The following LRCH3 variants were observed in gnomAD, a reference collection of about 807,000 sequenced individuals.
LRCH3 encodes the protein leucine rich repeats and calponin homology domain containing 3, also known as DISP complex protein LRCH3.
In LRCH3, 68 loss-of-function variants were observed where a neutral mutation model predicts 104.5. The observed-to-expected ratio is 0.65, with a 90% CI of 0.54 to 0.80. The LOEUF is 0.80. Ranked by LOEUF, LRCH3 falls within the 30% of genes least tolerant of loss-of-function variation. LRCH3 has a pLI of 0.00. For missense variants in LRCH3, 951 were observed against 953.9 expected, an observed-to-expected ratio of 1.00 and a Z score of 0.04; for synonymous variants, 344 against 361.3, an observed-to-expected ratio of 0.95 and a Z score of 0.54.
chr3:197,861,417 A>G (rs1740867996), intron 15 of LRCH3, among the ~76,000 whole-genome samples: 3 of 152,192 alleles, frequency 2.0e-5, no homozygotes, highest in Admixed American at 6.5e-5. Context: ...ACCTTCGGGC[A>G]TTGTGGCTTA....
chr3:197,866,022 T>G, intron 16 of LRCH3, 90 bp from the exon 17 acceptor site: 1 of 937,964 alleles, frequency 1.1e-6, no homozygotes, highest in Non-Finnish European at 1.7e-6. Flanking sequence ...ATTGCCATGT[T>G]TATTTTTTAC....
intron 9 of LRCH3, among the ~76,000 whole-genome samples, chr3:197,839,010 TTTCTAA>T (rs1737373439): frequency 1.3e-5 from 2 of 152,224 alleles, no homozygotes; most frequent in South Asian, 2.1e-4. Context: ...CTTCGGTTCC[TTTCTAA>T]TTCTAACATC....
At chr3:197,791,768 T>A (rs1580492291) in intron 1 of LRCH3, among the ~76,000 whole-genome samples, 1 of 151,130 alleles carries the variant, frequency 6.6e-6, no homozygotes, top group Admixed American at 6.6e-5. Context: ...GGGGCCGGAG[T>A]GATTGATGGA....
At chr3:197,817,967 C>T (rs2109203303) in intron 3 of LRCH3, among the ~76,000 whole-genome samples, 1 of 152,240 alleles carries the variant, frequency 6.6e-6, no homozygotes, top group Middle Eastern at 3.4e-3. Flanking sequence ...ACCACAGGCG[C>T]CCGCCACCAT....
rs1333255621 is a variant in LRCH3 at position 197,810,756 on chromosome 3, C to T, written c.263-4152C>T. 6.6e-6 allele frequency among the ~76,000 whole-genome samples: 1 copy of T among 151,736 alleles called. No homozygotes were observed. The highest frequency in any genetic ancestry group is 1.5e-5 in the Non-Finnish European group (1 of 67,962). Reference sequence around the variant, plus strand: ...AAAAAAACAGAAAAAGGAAAAAGTACATTTGTTTCATCTTCCCAGAAGCGG... The same window carrying T: ...AAAAAAACAGAAAAAGGAAAAAGTATATTTGTTTCATCTTCCCAGAAGCGG... On this transcript the variant is annotated intron_variant, in intron 1 of 20. Transcript: ENST00000425562. The surrounding 1 kb of genome is among the most constrained non-coding windows in gnomAD (Gnocchi z 4.0).
At chr3:197,799,596 G>T (rs759879048) in intron 1 of LRCH3, among the ~76,000 whole-genome samples, 3 of 152,198 alleles carry the variant, frequency 2.0e-5, no homozygotes, top group Non-Finnish European at 4.4e-5. Context: ...GCTAGGCGCG[G>T]TGGCTCATGC....
intron 1 of LRCH3, among the ~76,000 whole-genome samples, chr3:197,813,687 T>C (rs1042274274): frequency 2.6e-5 from 4 of 151,764 alleles, no homozygotes; most frequent in East Asian, 1.9e-4. Flanking sequence ...TGTGCCACCA[T>C]GCCCGGCTAA....
intron 4 of LRCH3, among the ~76,000 whole-genome samples, chr3:197,824,573 CTT>C (rs1266534474): frequency 3.6e-5 from 5 of 140,586 alleles, no homozygotes; most frequent in Non-Finnish European, 1.5e-5. Context: ...TGCTGCCCAG[CTT>C]TTTTTTTTTT....
At position 197,864,201 on chromosome 3, in the gene LRCH3, G is replaced by A. The variant is rs796888789; in HGVS notation, c.1717-1222G>A. 1.4e-4 allele frequency among the ~76,000 whole-genome samples: 22 copies of A among 152,330 alleles called. 1 individual carries two copies. Among genetic ancestry groups the A allele is most frequent in the African/African-American group, 5.3e-4 (22 of 41,578 alleles). On this transcript the variant is annotated intron_variant, in intron 15 of 20. Coordinates refer to ENST00000425562, the MANE Select transcript of LRCH3 (RefSeq NM_001365715.1). ...CATGCCTATAATCCCAGCTACTCGG[G>A]AGGCTGAGGCAGGAGAATCACTTGA...
chr3:197,820,877 AGTAT>A (rs1016234058), intron 4 of LRCH3, among the ~76,000 whole-genome samples: 11 of 151,786 alleles, frequency 7.2e-5, no homozygotes, highest in African/African-American at 1.7e-4. Context: ...TGTGTGAGAG[AGTAT>A]GTGTGTGTTA....
intron 15 of LRCH3, chr3:197,859,224 T>G (rs1740609326): frequency 3.9e-6 from 1 of 259,480 alleles, no homozygotes. Context: ...AACTCTGTTG[T>G]CTAATGTGCA....
chr3:197,832,509 A>G (rs2109292685), intron 8 of LRCH3, among the ~76,000 whole-genome samples, 192 bp downstream of exon 8: 2 of 152,292 alleles, frequency 1.3e-5, no homozygotes, highest in Middle Eastern at 6.8e-3. Flanking sequence ...TTTCAGTCAG[A>G]GTTAAAATAC....
chr3:197,791,646 C>T, intron 1 of LRCH3, 106 bp downstream of exon 1: 3 of 1,293,512 alleles, frequency 2.3e-6, no homozygotes, highest in Non-Finnish European at 2.0e-6. Context: ...GTCCCGTAGG[C>T]GCCGGGTCCG....
Sources: gnomAD v4.1 joint callset for allele counts (sites outside exome capture counted in the v4.1 genomes callset) on GRCh38, gnomAD v4.1.1 for gene constraint, Gnocchi (gnomAD v3.1) non-coding constraint, MANE v1.5 for transcripts, NCBI Gene and HGNC (gene_info 2026-07-23, HGNC 2026-07-21) for gene names.